MGRN1: variants seen among roughly 807,000 people sequenced by gnomAD.
MGRN1 encodes E3 ubiquitin-protein ligase MGRN1.
In MGRN1, 29 loss-of-function variants were observed where a neutral mutation model predicts 69.2. That is an observed-to-expected ratio of 0.42 (90% confidence interval 0.31 to 0.57). The LOEUF is 0.57. MGRN1 is among the 20% of genes least tolerant of loss of function. The pLI, the probability that MGRN1 is intolerant of heterozygous loss-of-function variation, is 0.15. For missense variants in MGRN1, 998 were observed against 796.2 expected (o/e 1.25, Z -3.05); for synonymous variants, 470 against 344.2 (o/e 1.37, Z -4.04).
At chr16:4,654,990 G>A (rs1434464374) in intron 4 of MGRN1, among the ~76,000 whole-genome samples, 1 of 152,228 alleles carries the variant, frequency 6.6e-6, no homozygotes, top group Non-Finnish European at 1.5e-5. Flanking sequence ...AGTAATGCAT[G>A]CCTGTGTGCT....
At chr16:4,646,072 C>G (rs2078267836) in intron 1 of MGRN1, among the ~76,000 whole-genome samples, 1 of 152,104 alleles carries the variant, frequency 6.6e-6, no homozygotes, top group African/African-American at 2.4e-5. Flanking sequence ...CACTTCCTAC[C>G]TTACGGTGAG....
At chr16:4,658,304 G>A (rs2078599796) in intron 5 of MGRN1, among the ~76,000 whole-genome samples, 1 of 151,722 alleles carries the variant, frequency 6.6e-6, no homozygotes, top group Admixed American at 6.6e-5. Context: ...GGGAGGCCGA[G>A]GCAGGCGGAT....
At chr16:4,679,936 C>T (rs2079140921) in intron 11 of MGRN1, 96 bp from the exon 12 acceptor site, 10 of 1,168,578 alleles carry the variant, frequency 8.6e-6, no homozygotes, top group Non-Finnish European at 1.1e-5. Flanking sequence ...TTCTGCGCCA[C>T]GGTGTGGCAA....
chr16:4,632,433 G>A (rs915181230), intron 1 of MGRN1, among the ~76,000 whole-genome samples: 6 of 150,828 alleles, frequency 4.0e-5, no homozygotes, highest in East Asian at 2.0e-4. Flanking sequence ...TTGCTCTGTC[G>A]CCCAGGCTGG....
chr16:4,645,742 G>T (rs2141863826), intron 1 of MGRN1, among the ~76,000 whole-genome samples: 1 of 152,282 alleles, frequency 6.6e-6, no homozygotes, highest in East Asian at 1.9e-4. Context: ...AGTGGGCCGG[G>T]GCTGGCAGAG....
At chr16:4,681,373 A>C in intron 12 of MGRN1, 177 bp from the exon 13 acceptor site, 2 of 608,148 alleles carry the variant, frequency 3.3e-6, no homozygotes, top group Non-Finnish European at 5.7e-6. Flanking sequence ...CCCGTGCTGG[A>C]GCTGATGGCT....
chr16:4,637,951 G>A (rs2078068387), intron 1 of MGRN1, among the ~76,000 whole-genome samples: 1 of 152,198 alleles, frequency 6.6e-6, no homozygotes, highest in Non-Finnish European at 1.5e-5. Flanking sequence ...TGCCCCCTCC[G>A]TGCCCCAGCG....
At chr16:4,665,835 A>ATT (rs1040204819) in intron 7 of MGRN1, among the ~76,000 whole-genome samples, 1 of 140,024 alleles carries the variant, frequency 7.1e-6, no homozygotes. Context: ...TGCCTGGCCA[A>ATT]TTTTTTTTTT....
chr16:4,654,841 C>A (rs1345619395), intron 4 of MGRN1, among the ~76,000 whole-genome samples: 1 of 152,174 alleles, frequency 6.6e-6, no homozygotes, highest in African/African-American at 2.4e-5. Context: ...CGCCCTTGGG[C>A]TCTGGCCTTG....
intron 1 of MGRN1, among the ~76,000 whole-genome samples, chr16:4,648,269 G>A (rs1005083206): frequency 4.0e-5 from 6 of 149,080 alleles, no homozygotes; most frequent in South Asian, 2.1e-4. Context: ...TCCTCCTCCC[G>A]GGGACTCTTC....
chr16:4,645,604 G>A (rs1046636049), intron 1 of MGRN1, among the ~76,000 whole-genome samples: 2 of 152,202 alleles, frequency 1.3e-5, no homozygotes, highest in South Asian at 4.1e-4. Context: ...GGCAAGCTGG[G>A]GTGTGGGAGG....
At chr16:4,672,539 C>G (rs1312238585) in intron 9 of MGRN1, 1 of 442,206 alleles carries the variant, frequency 2.3e-6, no homozygotes, top group Admixed American at 2.5e-5. Context: ...ATGTTTCATA[C>G]CAGGGGGCGG....
At chr16:4,663,048 T>C (rs2078717663) in intron 5 of MGRN1, among the ~76,000 whole-genome samples, 1 of 152,208 alleles carries the variant, frequency 6.6e-6, no homozygotes, top group Non-Finnish European at 1.5e-5. Flanking sequence ...GCCTTTCCTA[T>C]TTGATGTTTC....
intron 1 of MGRN1, among the ~76,000 whole-genome samples, chr16:4,645,239 T>G (rs1270237270): frequency 8.5e-5 from 13 of 152,104 alleles, no homozygotes; most frequent in Admixed American, 8.5e-4. Context: ...CATGGCTTAC[T>G]GCAGCCTCGA....
intron 16 of MGRN1, chr16:4,686,280 C>G (rs901868895): frequency 3.2e-5 from 50 of 1,544,922 alleles, no homozygotes; most frequent in Non-Finnish European, 3.9e-5. Context: ...GACTCCTGCT[C>G]TGTTGGTATA....
chr16:4,688,346 C>G, intron 16 of MGRN1: 1 of 991,278 alleles, frequency 1.0e-6, no homozygotes, highest in Non-Finnish European at 1.2e-6. Context: ...CATCCGGGGG[C>G]TACTCTGAGC....
intron 16 of MGRN1, chr16:4,688,309 AG>A (rs1156670551): frequency 7.1e-6 from 7 of 986,992 alleles, no homozygotes; most frequent in Non-Finnish European, 8.4e-6. Flanking sequence ...GCTCTGTGGG[AG>A]GCTCCTCTCT....
At chr16:4,673,042 G>A (rs943352297) in intron 9 of MGRN1, among the ~76,000 whole-genome samples, 1 of 152,142 alleles carries the variant, frequency 6.6e-6, no homozygotes, top group Non-Finnish European at 1.5e-5. Flanking sequence ...GTTTCACTAT[G>A]TTAGCCAGGA....
chr16:4,644,240 C>T (rs956687514), intron 1 of MGRN1, among the ~76,000 whole-genome samples: 1 of 151,952 alleles, frequency 6.6e-6, no homozygotes, highest in African/African-American at 2.4e-5. Context: ...GATCCACCCC[C>T]CTCAGCCTCC....
Sources: allele counts gnomAD v4.1 joint callset (sites outside exome capture counted in the v4.1 genomes callset), GRCh38; gene constraint gnomAD v4.1.1; transcripts MANE v1.5; gene names NCBI Gene and HGNC (gene_info 2026-07-23, HGNC 2026-07-21).